The following DZIP1L variants were observed in gnomAD, a reference collection of about 807,000 sequenced individuals.
DZIP1L encodes the protein DAZ interacting zinc finger protein 1 like.
In DZIP1L, 90 loss-of-function variants were observed where a neutral mutation model predicts 88.7. That is an observed-to-expected ratio of 1.02 (90% confidence interval 0.86 to 1.21). The LOEUF is 1.21. Ranked by LOEUF, DZIP1L falls within the 50% of genes most tolerant of loss-of-function variation. The pLI is 0.00. For synonymous variants in DZIP1L, 363 were observed against 372.1 expected, an observed-to-expected ratio of 0.98 and a Z score of 0.28; for missense variants, 932 against 955.8, an observed-to-expected ratio of 0.98 and a Z score of 0.33.
At chr3:138,110,839 T>A (rs78754399) in intron 1 of DZIP1L, among the ~76,000 whole-genome samples, 4,440 of 152,278 alleles carry the variant, frequency 0.029, 232 homozygotes, top group African/African-American at 0.1. Flanking sequence ...CAGAGTGTGA[T>A]CAAAGAGAGG....
intron 1 of DZIP1L, among the ~76,000 whole-genome samples, chr3:138,111,887 T>A (rs1407787330): frequency 6.6e-6 from 1 of 151,706 alleles, no homozygotes; most frequent in Non-Finnish European, 1.5e-5. Context: ...CCCAGCTACT[T>A]GGAAGGCTGA....
intron 14 of DZIP1L, among the ~76,000 whole-genome samples, chr3:138,067,102 G>A (rs1038945791): frequency 1.3e-5 from 2 of 152,154 alleles, no homozygotes; most frequent in African/African-American, 4.8e-5. Context: ...TCAAGTGCGG[G>A]TTGTTCCTCT....
chr3:138,075,744 T>C (rs1051766801), intron 11 of DZIP1L, among the ~76,000 whole-genome samples: 3 of 152,112 alleles, frequency 2.0e-5, no homozygotes, highest in Non-Finnish European at 4.4e-5. Flanking sequence ...TCTCAGCACC[T>C]TGGGAGGCCG....
At position 138,084,165 on chromosome 3, in the gene DZIP1L, A is replaced by C; in HGVS notation, c.1151T>G (p.Leu384Arg). Residue 384 changes from leucine to arginine, a missense_variant, in exon 8 of 16, where the codon CTC becomes CGC. Leu to Arg is a moderately radical substitution (Grantham distance 102). Transcript: ENST00000327532. ...AGCTTGTTCCTGCAGCTGGGCACGGAGGGTGCTGATCTGGCACTGGGACTG... is the reference window on the plus strand; with the variant it reads ...AGCTTGTTCCTGCAGCTGGGCACGGCGGGTGCTGATCTGGCACTGGGACTG... The part of the protein sequence containing the change: ...AAQSQCQIST[L>R]RAQLQEQARI... The C allele has an allele frequency of 6.2e-7, 1 of 1,614,148 alleles. No individual in the cohort carries two copies. The highest frequency in any genetic ancestry group is 8.5e-7 in the Non-Finnish European group (1 of 1,180,000).
chr3:138,065,142 A>G (rs1942840631), intron 14 of DZIP1L, among the ~76,000 whole-genome samples: 1 of 152,232 alleles, frequency 6.6e-6, no homozygotes, highest in South Asian at 2.1e-4. Context: ...AAGAAATATC[A>G]TAAAGATTAG....
At chr3:138,087,141 T>C in intron 6 of DZIP1L, 118 bp from the exon 7 acceptor site, 9 of 832,522 alleles carry the variant, frequency 1.1e-5, no homozygotes, top group Non-Finnish European at 1.7e-5. Context: ...TGGAATAGAA[T>C]AGAAAATCCA....
chr3:138,074,735 A>G (rs1466612128), intron 11 of DZIP1L, among the ~76,000 whole-genome samples: 1 of 151,140 alleles, frequency 6.6e-6, no homozygotes, highest in East Asian at 1.9e-4. Context: ...AATACACGAA[A>G]AAAAAAAAAG....
intron 11 of DZIP1L, among the ~76,000 whole-genome samples, chr3:138,076,781 T>C (rs1258682325): frequency 6.6e-6 from 1 of 151,970 alleles, no homozygotes; most frequent in Non-Finnish European, 1.5e-5. Context: ...TGGAGAGGGA[T>C]AAAAGGCTAC....
chr3:138,096,264 T>G (rs2107821527), intron 3 of DZIP1L, among the ~76,000 whole-genome samples: 1 of 152,304 alleles, frequency 6.6e-6, no homozygotes, highest in Non-Finnish European at 1.5e-5. Flanking sequence ...TTCTCTCTCC[T>G]TACAGCACTT....
At chr3:138,072,110 C>A (rs1943209093) in intron 11 of DZIP1L, among the ~76,000 whole-genome samples, 1 of 152,196 alleles carries the variant, frequency 6.6e-6, no homozygotes. Context: ...CACATCATAG[C>A]ATAAGGGACT....
At chr3:138,087,785 GC>G (rs1174392704) in intron 6 of DZIP1L, among the ~76,000 whole-genome samples, 1 of 152,122 alleles carries the variant, frequency 6.6e-6, no homozygotes, top group Non-Finnish European at 1.5e-5. Flanking sequence ...ACCCTTCTTT[GC>G]CATGGAATTA....
At chr3:138,070,687 G>C (rs1333175522) in intron 12 of DZIP1L, among the ~76,000 whole-genome samples, 1 of 152,154 alleles carries the variant, frequency 6.6e-6, no homozygotes, top group Non-Finnish European at 1.5e-5. Flanking sequence ...AGAGATACGT[G>C]GGCCATACTC....
rs1362432046 is a variant in DZIP1L at position 138,085,662 on chromosome 3, A to C, written c.1062+1299T>G. Among the ~76,000 whole-genome samples, 78 of 152,282 alleles carry C rather than the reference A, an allele frequency of 5.1e-4. No homozygotes were observed. In the South Asian group the frequency reaches 0.011, roughly 21 times the overall value. ...GAACACTTTTACACTGCTGGTGGGA[A>C]TGTAAACTAGTTCAACCATTGTGAA... On this transcript the variant is annotated intron_variant, in intron 7 of 15. Coordinates refer to ENST00000327532, the MANE Select transcript of DZIP1L (RefSeq NM_173543.3).
rs1168048494 is a variant in DZIP1L, at chr3:138,101,853, C to T, written c.501+1618G>A. ...GCTCCATGTCCTGCTTGGCCCGCTG[C>T]AGGGCGCCCTCCAGCTCGGACAGCT... On this transcript the variant is annotated intron_variant, in intron 2 of 15. Transcript: ENST00000327532. The T allele has an allele frequency of 1.4e-5, 19 of 1,344,710 alleles. 1 individual carries two copies. In the Admixed American group the frequency reaches 3.2e-4, roughly 23 times the overall value. The allele number at this position is 1,344,710 out of a possible 1,614,324, so 83.3% of individuals were successfully genotyped here. A position where few individuals can be genotyped will look rare whatever the true frequency, so the allele number is the denominator to read the frequency against.
At position 138,064,858 on chromosome 3, in the gene DZIP1L, T is replaced by C. The variant is rs179282; in HGVS notation, c.2003-91A>G. 1,027,860 of 1,511,986 alleles carry C rather than the reference T, an allele frequency of 0.68. 356,805 individuals carry two copies. The highest frequency in any genetic ancestry group is 0.71 in the Non-Finnish European group (807,413 of 1,131,706). The allele number at this position is 1,511,986 out of a possible 1,614,324, so 93.7% of individuals were successfully genotyped here. A position where few individuals can be genotyped will look rare whatever the true frequency, so the allele number is the denominator to read the frequency against. ...GCTCATGTCCAGGCTCCAGTGTGGA[T>C]AGAGGGAATGAGCAGAAGGGCCAGG... On this transcript the variant is annotated intron_variant, in intron 14 of 15. Coordinates refer to ENST00000327532, the MANE Select transcript of DZIP1L (RefSeq NM_173543.3).
chr3:138,067,201 CCA>C (rs200671457), intron 14 of DZIP1L, among the ~76,000 whole-genome samples: 1,750 of 152,258 alleles, frequency 0.011, 34 homozygotes, highest in African/African-American at 0.039. Flanking sequence ...CCGTAGCTGG[CCA>C]CAGTGTTTAC....
chr3:138,077,486 C>A lies in DZIP1L; in HGVS notation c.1422+13G>T. On this transcript the variant is annotated intron_variant, in intron 11 of 15. Coordinates refer to ENST00000327532, the MANE Select transcript of DZIP1L (RefSeq NM_173543.3). ...TAGGTATCAGCCCTTAAAACGATGGCCCTGAAACTCACCTTCCTTATCCCC... is the reference window on the plus strand; with the variant it reads ...TAGGTATCAGCCCTTAAAACGATGGACCTGAAACTCACCTTCCTTATCCCC... 1 of 1,613,868 alleles carries A rather than the reference C, an allele frequency of 6.2e-7. No individual in the cohort carries two copies.
At chr3:138,108,859 G>A (rs2042565356) in intron 1 of DZIP1L, among the ~76,000 whole-genome samples, 2 of 152,198 alleles carry the variant, frequency 1.3e-5, no homozygotes, top group Admixed American at 1.3e-4. Context: ...ATTGTCCAAG[G>A]TACAATAAGG....
At chr3:138,085,387 A>G (rs1047919165) in intron 7 of DZIP1L, among the ~76,000 whole-genome samples, 4 of 152,234 alleles carry the variant, frequency 2.6e-5, no homozygotes. Flanking sequence ...TGGAATCTAC[A>G]ATGAACTCAA....
Sources: gnomAD v4.1 joint callset for allele counts (sites outside exome capture counted in the v4.1 genomes callset) on GRCh38, gnomAD v4.1.1 for gene constraint, MANE v1.5 for transcripts, NCBI Gene and HGNC (gene_info 2026-07-23, HGNC 2026-07-21) for gene names.